The following CNIH2 variants were observed in gnomAD, a reference collection of about 807,000 sequenced individuals.
CNIH2 encodes protein cornichon homolog 2.
A neutral mutation model predicts 22.9 loss-of-function variants in CNIH2; 8 were observed. That is an observed-to-expected ratio of 0.35 (90% confidence interval 0.20 to 0.63). The LOEUF is 0.63. Ranked by LOEUF, CNIH2 falls within the 30% of genes least tolerant of loss-of-function variation. The pLI is 0.72. For synonymous variants in CNIH2, 74 were observed against 78.2 expected, an observed-to-expected ratio of 0.95 and a Z score of 0.28; for missense variants, 105 against 206.2, an observed-to-expected ratio of 0.51 and a Z score of 3.01.
chr11:66,282,565 T>G (rs936178743), intron 2 of CNIH2, 168 bp from the exon 3 acceptor site: 4 of 878,492 alleles, frequency 4.6e-6, no homozygotes, highest in African/African-American at 3.4e-5. Flanking sequence ...GTGAAGGCCC[T>G]TCCATGGTGA....
intron 4 of CNIH2, 38 bp from the exon 5 acceptor site, chr11:66,283,210 G>A: frequency 6.2e-7 from 1 of 1,613,742 alleles, no homozygotes; most frequent in Middle Eastern, 1.6e-4. Flanking sequence ...GGGGGTGGGA[G>A]TCCTGATGGC....
rs775522695 is a variant in CNIH2, at chr11:66,282,733, C to T, written c.151C>T (p.Arg51Cys). 3 of 1,613,718 alleles carry T rather than the reference C, an allele frequency of 1.9e-6. No individual in the cohort carries two copies. Among genetic ancestry groups the T allele is most frequent in the Middle Eastern group, 1.7e-4 (1 of 6,060 alleles). Residue 51 changes from arginine (R) to cysteine (C), a missense_variant and splice_region_variant, in exon 3 of 6, where the codon CGC becomes TGC. Arg to Cys is a radical substitution (Grantham distance 180). Coordinates refer to ENST00000311445, the MANE Select transcript of CNIH2 (RefSeq NM_182553.3). ...PIDQGNPARA[R>C]ERLKNIERIC... ...CGCGGCCTTTTCCTTCCCCCAACAGCGCGAGCGTTTAAAAAACATCGAACG... is the reference window on the plus strand; with the variant it reads ...CGCGGCCTTTTCCTTCCCCCAACAGTGCGAGCGTTTAAAAAACATCGAACG...
intron 3 of CNIH2, 83 bp from the exon 4 acceptor site, chr11:66,282,952 C>T (rs1857285989): frequency 7.0e-7 from 1 of 1,421,448 alleles, no homozygotes; most frequent in African/African-American, 1.4e-5. Flanking sequence ...TGGGCACCTC[C>T]CAAACCCCAG....
chr11:66,278,414 C>T lies in CNIH2; in HGVS notation c.-43C>T, dbSNP rs1857195576. The T allele has an allele frequency of 1.0e-6, 1 of 979,196 alleles. No individual in the cohort carries two copies. Among genetic ancestry groups the T allele is most frequent in the South Asian group, 3.8e-5 (1 of 26,492 alleles). 60.7% of individuals were successfully genotyped at this position (979,196 alleles called of 1,614,324 possible). A position where few individuals can be genotyped will look rare whatever the true frequency, so the allele number is the denominator to read the frequency against. ...CGGGGGGCGTCCCCTTGCGCCCGGG[C>T]CCCGCGCTGGCGCCCCCCGGGCCGC... is the stretch of plus-strand genomic sequence containing the variant. On this transcript the variant is annotated 5_prime_UTR_variant, in exon 1 of 6. Transcript: ENST00000311445.
At chr11:66,280,052 T>C (rs948358) in intron 1 of CNIH2, among the ~76,000 whole-genome samples, 150,223 of 152,330 alleles carry the variant, frequency 0.99, 74,097 homozygotes, top group Middle Eastern at 1. Context: ...TCAAGAAGCC[T>C]CTTTTTGGGG....
chr11:66,283,793 G>A lies in CNIH2; in HGVS notation c.*196G>A, dbSNP rs1196666113. ...AGAGCCCTCCCCCTTGGACTAGAGC[G>A]GCTGGGCAGAGCTCTAAACAGGGGC... On this transcript the variant is annotated 3_prime_UTR_variant, in exon 6 of 6. Coordinates refer to ENST00000311445, the MANE Select transcript of CNIH2 (RefSeq NM_182553.3). 14 of 604,606 alleles carry A rather than the reference G, an allele frequency of 2.3e-5. No individual in the cohort carries two copies. The highest frequency in any genetic ancestry group is 4.4e-4 in the Middle Eastern group (1 of 2,256). 37.5% of individuals were successfully genotyped at this position (604,606 alleles called of 1,614,324 possible).
In CNIH2 at chr11:66,278,766, A is replaced by ACC. The variant is rs1219362642; in HGVS notation, c.81+233_81+234dup. ...CTGTGTGTATGTCAGTCGGTCTCTGACCCCCTCCTCTGCCCTCGTCCTCTG... is the reference window on the plus strand; with the variant it reads ...CTGTGTGTATGTCAGTCGGTCTCTGACCCCCCCTCCTCTGCCCTCGTCCTCTG... On this transcript the variant is annotated intron_variant, in intron 1 of 5. Coordinates refer to ENST00000311445, the MANE Select transcript of CNIH2 (RefSeq NM_182553.3). Among the ~76,000 whole-genome samples, 6 of 121,154 alleles carry ACC rather than the reference A, an allele frequency of 5.0e-5. No individual in the cohort carries two copies. The Admixed American group carries it at 6.2e-4, about 12-fold the overall frequency. The allele number at this position is 121,154 out of a possible 152,430, so 79.5% of individuals were successfully genotyped here. A position where few individuals can be genotyped will look rare whatever the true frequency, so the allele number is the denominator to read the frequency against.
At chr11:66,282,401 AGAC>A in intron 2 of CNIH2, 74 bp downstream of exon 2, 3 of 304,246 alleles carry the variant, frequency 9.9e-6, no homozygotes, top group Non-Finnish European at 1.3e-5. Context: ...TGGGGGTGGG[AGAC>A]GGGAAGACGG....
At position 66,282,246 on chromosome 11, in the gene CNIH2, G is replaced by GCCCCTC; in HGVS notation, c.82-8_82-3dup. ...GCTGCCCCAACCCTGACGGGCACAC[G>GCCCCTC]CCCCTCCCCCAGATCATAGCCTTTG... On this transcript the variant is annotated splice_polypyrimidine_tract_variant and intron_variant, in intron 1 of 5. Coordinates refer to ENST00000311445, the MANE Select transcript of CNIH2 (RefSeq NM_182553.3). The GCCCCTC allele has an allele frequency of 6.2e-7, 1 of 1,612,514 alleles. No homozygotes were observed. Among genetic ancestry groups the GCCCCTC allele is most frequent in the Non-Finnish European group, 8.5e-7 (1 of 1,178,870 alleles).
chr11:66,278,919 C>A (rs1353939166), intron 1 of CNIH2, among the ~76,000 whole-genome samples: 4 of 95,992 alleles, frequency 4.2e-5, no homozygotes, highest in Admixed American at 9.1e-5. Flanking sequence ...TCTGCTGCCC[C>A]CCCCCCCCCG....
At chr11:66,282,429 G>GCCTGGGGGGGGGGGGGGGGGGGCC in intron 2 of CNIH2, 102 bp downstream of exon 2, 1 of 479,464 alleles carries the variant, frequency 2.1e-6, no homozygotes, top group Non-Finnish European at 4.2e-6. Context: ...GGGGTGGGGG[G>GCCTGGGGGGGGGGGGGGGGGGGCC]CCTACGGCCA....
chr11:66,279,246 G>C (rs1857220830), intron 1 of CNIH2, among the ~76,000 whole-genome samples: 1 of 151,668 alleles, frequency 6.6e-6, no homozygotes, highest in South Asian at 2.1e-4. Context: ...CCCTGGCCTA[G>C]CCTCACACCT....
At chr11:66,282,691 C>T in intron 2 of CNIH2, 42 bp from the exon 3 acceptor site, 1 of 1,611,750 alleles carries the variant, frequency 6.2e-7, no homozygotes, top group Non-Finnish European at 8.5e-7. Context: ...CCAGTACCTG[C>T]TTCTCCGCCA....
chr11:66,282,429 G>GTGGGGGGGGGGGGGGGGGGGGGCC, intron 2 of CNIH2, 102 bp downstream of exon 2: 2 of 479,466 alleles, frequency 4.2e-6, no homozygotes, highest in East Asian at 5.8e-5. Flanking sequence ...GGGGTGGGGG[G>GTGGGGGGGGGGGGGGGGGGGGGCC]CCTACGGCCA....
chr11:66,279,574 G>C (rs1375620088), intron 1 of CNIH2, among the ~76,000 whole-genome samples: 2 of 151,936 alleles, frequency 1.3e-5, no homozygotes, highest in Non-Finnish European at 2.9e-5. Context: ...CCCTTTCAGG[G>C]GTCCTCTTAT....
intron 1 of CNIH2, among the ~76,000 whole-genome samples, chr11:66,278,863 C>T (rs1438383556): frequency 7.9e-6 from 1 of 126,470 alleles, no homozygotes. Context: ...TGTCCCCCCC[C>T]ACCACCATCC....
intron 4 of CNIH2, 48 bp downstream of exon 4, chr11:66,283,195 A>C: frequency 6.2e-7 from 1 of 1,613,738 alleles, no homozygotes; most frequent in Non-Finnish European, 8.5e-7. Context: ...GAACAGGGGC[A>C]GGATGGGGGT....
intron 2 of CNIH2, 43 bp from the exon 3 acceptor site, chr11:66,282,690 G>A (rs772850552): frequency 4.3e-6 from 7 of 1,611,894 alleles, no homozygotes; most frequent in Non-Finnish European, 5.9e-6. Context: ...TCCAGTACCT[G>A]CTTCTCCGCC....
rs150686907 is a variant in CNIH2, at chr11:66,281,655, C to G, written c.82-604C>G. 1.8e-3 allele frequency: 644 copies of G among 360,112 alleles called. 4 individuals carry two copies. Among genetic ancestry groups the G allele is most frequent in the African/African-American group, 0.013 (606 of 46,838 alleles). 22.3% of individuals were successfully genotyped at this position (360,112 alleles called of 1,614,324 possible). The stretch of plus-strand genomic sequence containing the variant: ...ATTCTCCAGCTCCTCTTCCACCACT[C>G]TCTCTTTTCTTCCTGCTCGCTGCGC... On this transcript the variant is annotated intron_variant, in intron 1 of 5. Transcript: ENST00000311445.
Sources: allele counts gnomAD v4.1 joint callset (sites outside exome capture counted in the v4.1 genomes callset), GRCh38; gene constraint gnomAD v4.1.1; transcripts MANE v1.5; gene names NCBI Gene and HGNC (gene_info 2026-07-23, HGNC 2026-07-21).